Variants in WDR76 observed in about 807,000 individuals in gnomAD.
WDR76 encodes WD repeat-containing protein 76.
In WDR76, 52 loss-of-function variants were observed where a neutral mutation model predicts 70.2. The ratio of observed to expected loss-of-function variants is 0.74; its 90% CI spans 0.59 to 0.93. The LOEUF is 0.93. WDR76 is among the 40% of genes least tolerant of loss of function. WDR76 has a pLI of 0.00. For synonymous variants in WDR76, 292 were observed against 271.1 expected (o/e 1.08, Z -0.76); for missense variants, 756 against 760.2 (o/e 0.99, Z 0.07).
In WDR76 at chr15:43,833,763, A is replaced by C. The variant is rs544380992; in HGVS notation, c.463-1298A>C. On this transcript the variant is annotated intron_variant, in intron 2 of 12. Coordinates refer to ENST00000263795, the MANE Select transcript of WDR76 (RefSeq NM_024908.4). ...GCAATTCTTCTGTCTCAGCCTCCCGAGTAGCTGGGACTACAGGCGTGTGTC... is the reference window on the plus strand; with the variant it reads ...GCAATTCTTCTGTCTCAGCCTCCCGCGTAGCTGGGACTACAGGCGTGTGTC... 4.0e-5 allele frequency among the ~76,000 whole-genome samples: 6 copies of C among 148,522 alleles called. No individual in the cohort carries two copies. The East Asian group carries it at 1.2e-3, about 30-fold the overall frequency.
chr15:43,832,605 C>T (rs1415633435), intron 2 of WDR76, among the ~76,000 whole-genome samples: 3 of 151,936 alleles, frequency 2.0e-5, no homozygotes, highest in Non-Finnish European at 4.4e-5. Context: ...GCCACCATGC[C>T]TGGGTAATTT....
intron 8 of WDR76, among the ~76,000 whole-genome samples, chr15:43,850,512 G>A (rs527264394): frequency 1.3e-3 from 205 of 151,908 alleles, no homozygotes; most frequent in African/African-American, 4.8e-3. Flanking sequence ...AGCCAGGATG[G>A]TCTCGATCTC....
At position 43,827,009 on chromosome 15, in the gene WDR76, C is replaced by G. The variant is rs2141717946; in HGVS notation, c.-24C>G. 1 of 1,611,948 alleles carries G rather than the reference C, an allele frequency of 6.2e-7. No individual in the cohort carries two copies. Among genetic ancestry groups the G allele is most frequent in the Non-Finnish European group, 8.5e-7 (1 of 1,179,600 alleles). On this transcript the variant is annotated 5_prime_UTR_variant, in exon 1 of 13. Transcript: ENST00000263795. Reference sequence around the variant, plus strand: ...TCCCGCCGCAATCTTGGCGGGAAGGCGCCGGCCGCTAAGAAGCCGAAAGAT... The same window carrying G: ...TCCCGCCGCAATCTTGGCGGGAAGGGGCCGGCCGCTAAGAAGCCGAAAGAT...
At chr15:43,834,704 C>T (rs1415914627) in intron 2 of WDR76, among the ~76,000 whole-genome samples, 2 of 152,152 alleles carry the variant, frequency 1.3e-5, no homozygotes, top group African/African-American at 4.8e-5. Context: ...ACTTCAGCTT[C>T]CCAAATTGAT....
intron 1 of WDR76, 122 bp downstream of exon 1, chr15:43,827,214 C>T: frequency 8.3e-7 from 1 of 1,202,236 alleles, no homozygotes; most frequent in South Asian, 1.3e-5. Flanking sequence ...GGATCCCTGC[C>T]CTTAGGCCTT....
Position 43,853,627 on chromosome 15 carries a change from C to T in WDR76, c.1191+2382C>T, listed in dbSNP as rs559443659. ...TTCTTTAAAGAAACACAAATGGCAC[C>T]GGGTGCGGTGGCTCACCCCTGTAAT... On this transcript the variant is annotated intron_variant, in intron 9 of 12. Coordinates refer to ENST00000263795, the MANE Select transcript of WDR76 (RefSeq NM_024908.4). Among the ~76,000 whole-genome samples, 8 of 152,002 alleles carry T rather than the reference C, an allele frequency of 5.3e-5. No individual in the cohort carries two copies. The South Asian group carries it at 6.3e-4, about 12-fold the overall frequency.
chr15:43,858,528 G>C, intron 10 of WDR76, 143 bp from the exon 11 acceptor site: 1 of 1,051,362 alleles, frequency 9.5e-7, no homozygotes, highest in South Asian at 1.7e-5. Flanking sequence ...TTACAGACTT[G>C]AGCCACCGCA....
chr15:43,830,344 C>T (rs1023334935), intron 2 of WDR76, among the ~76,000 whole-genome samples: 1 of 151,930 alleles, frequency 6.6e-6, no homozygotes, highest in Non-Finnish European at 1.5e-5. Flanking sequence ...AGGTGGATCA[C>T]CTGAGGTGGG....
At chr15:43,837,999 C>T (rs1361827938) in intron 4 of WDR76, among the ~76,000 whole-genome samples, 2 of 151,728 alleles carry the variant, frequency 1.3e-5, no homozygotes, top group Non-Finnish European at 2.9e-5. Flanking sequence ...CCTCAGCCTC[C>T]CGAGTAACTG....
rs1429158274 is a variant in WDR76, at chr15:43,827,974, T to A, written c.70T>A (p.Tyr24Asn). 7.5e-6 allele frequency: 12 copies of A among 1,604,252 alleles called. No individual in the cohort carries two copies. Among genetic ancestry groups the A allele is most frequent in the Non-Finnish European group, 9.3e-6 (11 of 1,177,272 alleles). ...RQRPQMKVNE[Y>N]KENQNIAYVS... Reference sequence around the variant, plus strand: ...TTATTGATCTGAATAGGTAAATGAATATAAAGAAAATCAAAACATCGCTTA... The same window carrying A: ...TTATTGATCTGAATAGGTAAATGAAAATAAAGAAAATCAAAACATCGCTTA... Residue 24 changes from tyrosine to asparagine, a missense_variant, in exon 2 of 13, where the codon TAT becomes AAT. By Grantham distance (143) the Tyr-to-Asn change is moderately radical. Transcript: ENST00000263795.
chr15:43,864,534 A>G (rs1595456955), intron 12 of WDR76, among the ~76,000 whole-genome samples: 2 of 151,786 alleles, frequency 1.3e-5, no homozygotes, highest in South Asian at 4.2e-4. Context: ...ATAATTGGCC[A>G]TTTGTATATC....
Position 43,827,040 on chromosome 15 carries a change from G to C in WDR76, c.8G>C (p.Arg3Thr), listed in dbSNP as rs778522225. Residue 3 changes from arginine (R) to threonine (T), a missense_variant, in exon 1 of 13, where the codon AGG (arginine) becomes ACG (threonine). Physicochemically the swap from Arg to Thr is moderately conservative, Grantham distance 71. Transcript: ENST00000263795. MS[R>T]SGAAAEKADS... ...CCGCTAAGAAGCCGAAAGATGTCCA[G>C]GTCGGGCGCGGCGGCTGAGAAGGCG... The C allele has an allele frequency of 6.2e-7, 1 of 1,614,086 alleles. No individual in the cohort carries two copies. The highest frequency in any genetic ancestry group is 8.5e-7 in the Non-Finnish European group (1 of 1,180,034).
At chr15:43,844,344 G>T (rs190170938) in intron 8 of WDR76, among the ~76,000 whole-genome samples, 1 of 152,136 alleles carries the variant, frequency 6.6e-6, no homozygotes, top group African/African-American at 2.4e-5. Context: ...GTGGCCGGGT[G>T]CGGTGGGTCA....
chr15:43,828,905 CTTT>C (rs11353535), intron 2 of WDR76, among the ~76,000 whole-genome samples: 39 of 131,728 alleles, frequency 3.0e-4, no homozygotes, highest in Non-Finnish European at 3.3e-4. Flanking sequence ...TAATTTTTTT[CTTT>C]TTTTTTTTTT....
At chr15:43,854,501 G>T (rs1367215912) in intron 9 of WDR76, among the ~76,000 whole-genome samples, 2 of 152,102 alleles carry the variant, frequency 1.3e-5, no homozygotes, top group South Asian at 2.1e-4. Flanking sequence ...ACCTGGAAGG[G>T]TGAGGCTCCA....
At chr15:43,831,494 A>G (rs981145234) in intron 2 of WDR76, among the ~76,000 whole-genome samples, 12 of 151,618 alleles carry the variant, frequency 7.9e-5, no homozygotes, top group African/African-American at 2.7e-4. Flanking sequence ...GATGGAGTGC[A>G]GAGGCACGAT....
intron 8 of WDR76, among the ~76,000 whole-genome samples, chr15:43,845,309 C>G (rs543070686): frequency 1.3e-5 from 2 of 150,228 alleles, no homozygotes; most frequent in Non-Finnish European, 1.5e-5. Context: ...ATGTTTTTGT[C>G]TTCCCCAAAA....
At chr15:43,858,649 A>G in intron 10 of WDR76, 22 bp from the exon 11 acceptor site, 2 of 1,611,476 alleles carry the variant, frequency 1.2e-6, no homozygotes, top group Non-Finnish European at 1.7e-6. Flanking sequence ...GGCAACATTG[A>G]TCATTGTTTC....
chr15:43,845,560 A>G (rs2087778167), intron 8 of WDR76, among the ~76,000 whole-genome samples: 1 of 150,302 alleles, frequency 6.7e-6, no homozygotes. Flanking sequence ...TGTGAGAAAT[A>G]AAATGCTGCT....
Sources: gnomAD v4.1 joint callset for allele counts (sites outside exome capture counted in the v4.1 genomes callset) on GRCh38, gnomAD v4.1.1 for gene constraint, MANE v1.5 for transcripts, NCBI Gene and HGNC (gene_info 2026-07-23, HGNC 2026-07-21) for gene names.